The following JAM2 variants were observed in gnomAD, a reference collection of about 807,000 sequenced individuals.
JAM2 encodes junctional adhesion molecule B.
In JAM2, 17 loss-of-function variants were observed where a neutral mutation model predicts 42.0. The ratio of observed to expected loss-of-function variants is 0.40; its 90% CI spans 0.28 to 0.61. The LOEUF (loss-of-function observed/expected upper bound fraction) is 0.61. JAM2 is among the 20% of genes least tolerant of loss of function. The pLI is 0.37. For synonymous variants in JAM2, 118 were observed against 128.6 expected (o/e 0.92, Z 0.56); for missense variants, 319 against 358.3 (o/e 0.89, Z 0.89).
At chr21:25,688,389 G>T (rs1221872082) in intron 2 of JAM2, among the ~76,000 whole-genome samples, 3 of 152,160 alleles carry the variant, frequency 2.0e-5, no homozygotes, top group African/African-American at 7.2e-5. Context: ...TGAGGAATAG[G>T]CTAAAAATGA....
rs76649726 is a variant in JAM2, at chr21:25,705,947, T to C, written c.698-32T>C. ...ACTGCATCTGTCCGTGTAATCCACA[T>C]ATATTTATGCGTAATTTATTTTACA... On this transcript the variant is annotated intron_variant, in intron 6 of 9. Transcript: ENST00000480456. 1.0e-3 allele frequency: 1,465 copies of C among 1,404,756 alleles called. 4 individuals are homozygous for C. In the African/African-American group the frequency reaches 0.017, roughly 16 times the overall value. The allele number at this position is 1,404,756 out of a possible 1,614,324, so 87.0% of individuals were successfully genotyped here. A position where few individuals can be genotyped will look rare whatever the true frequency, so the allele number is the denominator to read the frequency against.
chr21:25,646,298 A>G (rs182273473), intron 1 of JAM2, among the ~76,000 whole-genome samples: 1 of 152,154 alleles, frequency 6.6e-6, no homozygotes, highest in African/African-American at 2.4e-5. Context: ...TTAAGGAAAA[A>G]ATTTTTTAAT....
At chr21:25,665,847 C>T (rs769134433) in intron 1 of JAM2, among the ~76,000 whole-genome samples, 2 of 152,102 alleles carry the variant, frequency 1.3e-5, no homozygotes, top group South Asian at 4.1e-4. Context: ...TCGAGAGCAG[C>T]TTGGCAAACA....
At chr21:25,645,224 T>C (rs1600985584) in intron 1 of JAM2, among the ~76,000 whole-genome samples, 1 of 152,330 alleles carries the variant, frequency 6.6e-6, no homozygotes, top group Non-Finnish European at 1.5e-5. Context: ...TTGCATAGTA[T>C]GGTGGTAAAG....
intron 7 of JAM2, among the ~76,000 whole-genome samples, chr21:25,706,415 C>G (rs985233364): frequency 1.3e-5 from 2 of 152,148 alleles, no homozygotes; most frequent in Non-Finnish European, 2.9e-5. Context: ...CTCCTGGCCT[C>G]AAGTGATCTG....
At chr21:25,644,022 T>C (rs2123300542) in intron 1 of JAM2, 1 of 152,348 alleles carries the variant, frequency 6.6e-6, no homozygotes, top group South Asian at 2.1e-4. Flanking sequence ...CATAGCAATA[T>C]AGTAGTAACA....
intron 1 of JAM2, among the ~76,000 whole-genome samples, chr21:25,650,888 A>C (rs2123315227): frequency 6.6e-6 from 1 of 152,174 alleles, no homozygotes; most frequent in East Asian, 1.9e-4. Flanking sequence ...GTGTGTGTAA[A>C]ATGGTAGCAT....
At chr21:25,674,245 A>C (rs2033430501) in intron 1 of JAM2, among the ~76,000 whole-genome samples, 1 of 152,014 alleles carries the variant, frequency 6.6e-6, no homozygotes, top group Non-Finnish European at 1.5e-5. Context: ...AAATACAAAC[A>C]TTAGCCAGGT....
intron 1 of JAM2, among the ~76,000 whole-genome samples, chr21:25,654,933 T>C (rs1291129423): frequency 6.6e-6 from 1 of 152,170 alleles, no homozygotes; most frequent in Non-Finnish European, 1.5e-5. Context: ...AGGTCGGTGC[T>C]AGATGAAACA....
rs2034485938 is a variant in JAM2, at chr21:25,716,646, CCA to C, written c.*1977_*1978del. ...CTCTGCCATTGTAGCACAAAGGCAG[CCA>C]CAGACAAAACAAGCAAGTAGTCATG... On this transcript the variant is annotated 3_prime_UTR_variant, in exon 10 of 10. Coordinates refer to ENST00000480456, the MANE Select transcript of JAM2 (RefSeq NM_021219.4). The C allele has an allele frequency of 6.6e-6, 1 of 152,202 alleles. No homozygotes were observed. The highest frequency in any genetic ancestry group is 2.1e-4 in the South Asian group (1 of 4,832). 9.4% of individuals were successfully genotyped at this position (152,202 alleles called of 1,614,324 possible).
chr21:25,646,612 G>T (rs1164319430), intron 1 of JAM2, among the ~76,000 whole-genome samples: 1 of 150,862 alleles, frequency 6.6e-6, no homozygotes, highest in Non-Finnish European at 1.5e-5. Context: ...GAGAGAGGGA[G>T]GATGGATGGA....
At chr21:25,693,731 C>T in intron 3 of JAM2, 25 bp from the exon 4 acceptor site, 2 of 1,594,144 alleles carry the variant, frequency 1.3e-6, no homozygotes, top group Non-Finnish European at 1.7e-6. Context: ...TTATTACTAA[C>T]ATCAATGTCT....
At chr21:25,640,913 C>G (rs1036661531) in intron 1 of JAM2, among the ~76,000 whole-genome samples, 11 of 151,896 alleles carry the variant, frequency 7.2e-5, no homozygotes, top group Non-Finnish European at 1.5e-5. Context: ...AATACTTAAC[C>G]TGCGGGACGA....
At chr21:25,659,297 T>C (rs545408088) in intron 1 of JAM2, among the ~76,000 whole-genome samples, 7 of 152,012 alleles carry the variant, frequency 4.6e-5, no homozygotes, top group Non-Finnish European at 1.0e-4. Context: ...AGAATAACAT[T>C]AATATTGTCT....
intron 1 of JAM2, among the ~76,000 whole-genome samples, chr21:25,648,228 A>G (rs558780206): frequency 1.6e-4 from 25 of 152,154 alleles, no homozygotes; most frequent in Admixed American, 4.6e-4. Context: ...AAAATTCACT[A>G]GATGCATTTT....
chr21:25,682,170 A>G (rs972483031), intron 1 of JAM2, among the ~76,000 whole-genome samples: 14 of 152,246 alleles, frequency 9.2e-5, no homozygotes, highest in Middle Eastern at 3.2e-3. Flanking sequence ...TTCAGAGACT[A>G]TAACAGGCGA....
chr21:25,645,528 TTAGAAGTTA>T (rs2032582887), intron 1 of JAM2, among the ~76,000 whole-genome samples: 1 of 152,138 alleles, frequency 6.6e-6, no homozygotes, highest in South Asian at 2.1e-4. Context: ...GGGAGACCAG[TTAGAAGTTA>T]TTGGAGTAGT....
chr21:25,654,906 G>A (rs1428482688), intron 1 of JAM2, among the ~76,000 whole-genome samples: 1 of 152,122 alleles, frequency 6.6e-6, no homozygotes, highest in African/African-American at 2.4e-5. Context: ...AAAACAAAGG[G>A]GGAGAGAGGA....
intron 1 of JAM2, among the ~76,000 whole-genome samples, chr21:25,655,585 A>T (rs2032913355): frequency 7.0e-6 from 1 of 142,252 alleles, no homozygotes; most frequent in Non-Finnish European, 1.5e-5. Context: ...GGCTCAAGCG[A>T]TTCTCCTCCC....
Sources: allele counts gnomAD v4.1 joint callset (sites outside exome capture counted in the v4.1 genomes callset), GRCh38; gene constraint gnomAD v4.1.1; transcripts MANE v1.5; gene names NCBI Gene and HGNC (gene_info 2026-07-23, HGNC 2026-07-21).